The following NFIA variants were observed in gnomAD, a reference collection of about 807,000 sequenced individuals.
The protein encoded by NFIA is nuclear factor 1 A-type.
Under a neutral mutation model 62.8 loss-of-function variants are expected in NFIA, and 8 were observed. The observed-to-expected ratio is 0.13, with a 90% CI of 0.07 to 0.23. NFIA has a LOEUF of 0.23. Among genes scored for constraint, NFIA ranks in the 10% least tolerant of loss-of-function variants. The pLI, the probability that NFIA is intolerant of heterozygous loss-of-function variation, is 1.00. For missense variants in NFIA, 410 were observed against 642.1 expected, an observed-to-expected ratio of 0.64 and a Z score of 3.91; for synonymous variants, 235 against 238.1, an observed-to-expected ratio of 0.99 and a Z score of 0.12.
At chr1:61,291,321 G>C (rs576154967) in intron 3 of NFIA, among the ~76,000 whole-genome samples, 1 of 152,156 alleles carries the variant, frequency 6.6e-6, no homozygotes, top group Non-Finnish European at 1.5e-5. Context: ...GACTCAGGTG[G>C]TACTTCTGTA....
At chr1:61,411,673 G>A (rs1222024863) in intron 9 of NFIA, among the ~76,000 whole-genome samples, 2 of 152,098 alleles carry the variant, frequency 1.3e-5, no homozygotes, top group African/African-American at 2.4e-5. Flanking sequence ...CGAAAGGTAC[G>A]TAGGATATAA....
At chr1:61,391,427 A>T (rs1042718965) in intron 7 of NFIA, among the ~76,000 whole-genome samples, 1 of 137,290 alleles carries the variant, frequency 7.3e-6, no homozygotes. Context: ...CCACTTCTTT[A>T]TGAATCAAAC....
At chr1:61,342,418 G>A (rs1426912013) in intron 4 of NFIA, among the ~76,000 whole-genome samples, 1 of 152,132 alleles carries the variant, frequency 6.6e-6, no homozygotes, top group East Asian at 1.9e-4. Flanking sequence ...CCATGACTGA[G>A]GCTGTATCAG....
chr1:61,196,898 A>AGT (rs3030264), intron 2 of NFIA, among the ~76,000 whole-genome samples: 1,922 of 148,506 alleles, frequency 0.013, 13 homozygotes, highest in Middle Eastern at 0.021. Context: ...ACCTTAAAGG[A>AGT]GTGTGTGTGT....
intron 2 of NFIA, among the ~76,000 whole-genome samples, chr1:61,200,051 T>C (rs1267384836): frequency 1.8e-5 from 1 of 54,416 alleles, no homozygotes; most frequent in Non-Finnish European, 3.1e-5. Flanking sequence ...TATATATATA[T>C]ATATATATAT....
At chr1:61,245,699 G>A (rs1557659011) in intron 2 of NFIA, among the ~76,000 whole-genome samples, 1 of 151,170 alleles carries the variant, frequency 6.6e-6, no homozygotes, top group Non-Finnish European at 1.5e-5. Context: ...TTTTATTTTT[G>A]TTTTTTTTAA....
At chr1:61,110,104 C>T (rs1336976174) in intron 2 of NFIA, among the ~76,000 whole-genome samples, 1 of 57,070 alleles carries the variant, frequency 1.8e-5, no homozygotes, top group Non-Finnish European at 5.3e-5. Context: ...CAGTATGAAA[C>T]TAAGTCAAAG....
intron 3 of NFIA, among the ~76,000 whole-genome samples, chr1:61,279,131 G>T (rs1184747335): frequency 6.6e-5 from 10 of 151,870 alleles, no homozygotes; most frequent in Non-Finnish European, 1.3e-4. Context: ...TTGTTGTTCT[G>T]TACATTGTTC....
At chr1:61,259,846 G>A (rs1207151089) in intron 2 of NFIA, among the ~76,000 whole-genome samples, 1 of 152,180 alleles carries the variant, frequency 6.6e-6, no homozygotes, top group Non-Finnish European at 1.5e-5. Flanking sequence ...GTTTTTAAAT[G>A]ACAATTGAGG....
In NFIA at chr1:61,110,236, A is replaced by T. The variant is rs78429466; in HGVS notation, c.559+21556A>T. On this transcript the variant is annotated intron_variant, in intron 2 of 10. Coordinates refer to ENST00000403491, the MANE Select transcript of NFIA (RefSeq NM_001134673.4). Reference sequence around the variant, plus strand: ...AATGGCCATTTCCAAACCATAGCACACATTTGTCTACTTGTTCACTTTTTT... The same window carrying T: ...AATGGCCATTTCCAAACCATAGCACTCATTTGTCTACTTGTTCACTTTTTT... 0.011 allele frequency among the ~76,000 whole-genome samples: 1,730 copies of T among 150,780 alleles called. 100 individuals carry two copies. The East Asian group carries it at 0.18, about 16-fold the overall frequency.
intron 2 of NFIA, among the ~76,000 whole-genome samples, chr1:61,241,964 A>G (rs971209386): frequency 6.6e-6 from 1 of 152,158 alleles, no homozygotes; most frequent in African/African-American, 2.4e-5. Context: ...GAGATCGAAG[A>G]GCGTTAACTA....
Position 61,426,563 on chromosome 1 carries a change from C to G in NFIA, c.1512+7C>G. On this transcript the variant is annotated splice_region_variant and intron_variant, in intron 10 of 10. Coordinates refer to ENST00000403491, the MANE Select transcript of NFIA (RefSeq NM_001134673.4). ...TATCCCTCAACAGACACAGGTGGGC[C>G]GCTCTCATCTTTTCTGTATGTGGTG... The G allele has an allele frequency of 2.6e-6, 4 of 1,544,508 alleles. No individual in the cohort carries two copies. Among genetic ancestry groups the G allele is most frequent in the Non-Finnish European group, 3.5e-6 (4 of 1,140,390 alleles).
At chr1:61,111,402 G>T (rs1043894063) in intron 2 of NFIA, among the ~76,000 whole-genome samples, 3 of 152,106 alleles carry the variant, frequency 2.0e-5, no homozygotes, top group Non-Finnish European at 4.4e-5. Flanking sequence ...TATATCTCAT[G>T]TTGTGAAAGA....
chr1:61,290,803 G>A (rs1483939470), intron 3 of NFIA, among the ~76,000 whole-genome samples: 1 of 152,134 alleles, frequency 6.6e-6, no homozygotes, highest in African/African-American at 2.4e-5. Context: ...GGTCCTTGAA[G>A]GGAGCCAGAG....
At chr1:61,225,787 T>C (rs758136761) in intron 2 of NFIA, among the ~76,000 whole-genome samples, 81 of 152,136 alleles carry the variant, frequency 5.3e-4, no homozygotes, top group Non-Finnish European at 9.1e-4. Context: ...GATTAATTTA[T>C]TTCAGTGTTT....
intron 2 of NFIA, among the ~76,000 whole-genome samples, chr1:61,144,335 A>G (rs983873111): frequency 3.3e-5 from 5 of 152,180 alleles, no homozygotes; most frequent in Non-Finnish European, 1.5e-5. Context: ...ATTCTAGAAG[A>G]TTTTAAACAA....
chr1:61,336,845 GACT>G (rs1661636597), intron 4 of NFIA, among the ~76,000 whole-genome samples: 5 of 152,094 alleles, frequency 3.3e-5, no homozygotes, highest in Admixed American at 1.3e-4. Flanking sequence ...ACCTAATTAT[GACT>G]ACTTACATGG....
At chr1:61,444,762 A>G (rs1667732624) in intron 10 of NFIA, among the ~76,000 whole-genome samples, 1 of 152,234 alleles carries the variant, frequency 6.6e-6, no homozygotes, top group Non-Finnish European at 1.5e-5. Flanking sequence ...ATATGTATAT[A>G]TATCATTTGA....
At chr1:61,368,681 AT>A (rs1663727137) in intron 6 of NFIA, among the ~76,000 whole-genome samples, 1 of 152,228 alleles carries the variant, frequency 6.6e-6, no homozygotes. Context: ...CACTATACAT[AT>A]TTTTAATATA....
Sources: allele counts gnomAD v4.1 joint callset (sites outside exome capture counted in the v4.1 genomes callset), GRCh38; gene constraint gnomAD v4.1.1; transcripts MANE v1.5; gene names NCBI Gene and HGNC (gene_info 2026-07-23, HGNC 2026-07-21).